MTOR: variants seen among roughly 807,000 people sequenced by gnomAD.
MTOR encodes mechanistic target of rapamycin kinase, also known as serine/threonine-protein kinase mTOR.
In MTOR, 70 loss-of-function variants were observed where a neutral mutation model predicts 319.8. The ratio of observed to expected loss-of-function variants is 0.22; its 90% CI spans 0.18 to 0.27. MTOR has a LOEUF of 0.27. MTOR is among the 10% of genes least tolerant of loss of function. The pLI is 1.00. For missense variants in MTOR, 1,890 were observed against 3,274.4 expected (o/e 0.58, Z 10.32); for synonymous variants, 1,183 against 1,211.4 (o/e 0.98, Z 0.49).
At position 11,199,144 on chromosome 1, in the gene MTOR, G is replaced by A; in HGVS notation, c.4253+114C>T. 7.4e-7 allele frequency: 1 copy of A among 1,348,148 alleles called. No homozygotes were observed. 83.5% of individuals were successfully genotyped at this position (1,348,148 alleles called of 1,614,324 possible). On this transcript the variant is annotated intron_variant, in intron 28 of 57. Transcript: ENST00000361445. The surrounding 1 kb of genome is among the most constrained non-coding windows in gnomAD (Gnocchi z 4.5). ...TTAAACATGCTGGCCAGACCCAGAGGCAGATTTCACAGAGCAGAAGTCTTC... is the reference window on the plus strand; with the variant it reads ...TTAAACATGCTGGCCAGACCCAGAGACAGATTTCACAGAGCAGAAGTCTTC...
chr1:11,172,487 G>A (rs1476933229), intron 28 of MTOR, among the ~76,000 whole-genome samples: 1 of 143,118 alleles, frequency 7.0e-6, no homozygotes, highest in Non-Finnish European at 1.5e-5. Context: ...ATGAACCCGA[G>A]AGGTGGAGCT....
At chr1:11,144,497 G>A in intron 34 of MTOR, 151 bp downstream of exon 34, 1 of 597,820 alleles carries the variant, frequency 1.7e-6, no homozygotes, top group South Asian at 2.2e-5. Context: ...GAGCCTTTGA[G>A]TATTCTGCTT....
intron 52 of MTOR, 67 bp downstream of exon 52, chr1:11,114,746 G>C (rs950886223): frequency 6.8e-7 from 1 of 1,468,238 alleles, no homozygotes; most frequent in Non-Finnish European, 9.5e-7. Flanking sequence ...TCTAACAAGC[G>C]TGTTCTCAGA....
intron 19 of MTOR, among the ~76,000 whole-genome samples, chr1:11,224,973 C>T (rs889134100): frequency 6.6e-6 from 1 of 152,048 alleles, no homozygotes; most frequent in Non-Finnish European, 1.5e-5. Context: ...TTCTATGACA[C>T]CAATTACATG....
intron 46 of MTOR, among the ~76,000 whole-genome samples, chr1:11,125,893 T>A (rs796116674): frequency 1.3e-5 from 2 of 150,772 alleles, no homozygotes; most frequent in African/African-American, 4.9e-5. Flanking sequence ...ATACAAAAAT[T>A]AGCTAGGTGT....
intron 28 of MTOR, among the ~76,000 whole-genome samples, chr1:11,183,249 CT>C (rs1182098300): frequency 6.6e-6 from 1 of 151,832 alleles, no homozygotes; most frequent in East Asian, 1.9e-4. Flanking sequence ...ATTTATAAGC[CT>C]TTTGGATATC....
Position 11,199,713 on chromosome 1 carries a change from G to A in MTOR, c.3945-10C>T, listed in dbSNP as rs763038865. ...AGCATTGAAGAGATCCCTGAAGGCA[G>A]AGAAGGTGGAAAATGGAGAGACCTC... On this transcript the variant is annotated splice_polypyrimidine_tract_variant and intron_variant, in intron 26 of 57. Transcript: ENST00000361445. This position sits in a 1 kb window ranked among gnomAD's most constrained non-coding sequence, Gnocchi z 4.5. The A allele has an allele frequency of 1.7e-5, 28 of 1,612,818 alleles. No individual in the cohort carries two copies. Among genetic ancestry groups the A allele is most frequent in the Non-Finnish European group, 2.4e-5 (28 of 1,178,946 alleles).
Position 11,256,939 on chromosome 1 carries a change from A to G in MTOR, c.498T>C (p.His166=). The change falls in exon 4 of 58, where the codon CAT becomes CAC. Residue 166 remains histidine, a synonymous_variant. Coordinates refer to ENST00000361445, the MANE Select transcript of MTOR (RefSeq NM_004958.4). ...LGADRNEGRR[H]AAVLVLRELA... is the part of the protein sequence containing the mutation. ...CCTCCCTGTAGACACTCACAGCTGC[A>G]TGTCTCCGGCCCTCATTGCGGTCAG... is the stretch of plus-strand genomic sequence containing the variant. 1 of 1,613,362 alleles carries G rather than the reference A, an allele frequency of 6.2e-7. No homozygotes were observed. Among genetic ancestry groups the G allele is most frequent in the East Asian group, 2.2e-5 (1 of 44,874 alleles).
intron 11 of MTOR, among the ~76,000 whole-genome samples, chr1:11,239,310 A>T: frequency 6.6e-6 from 1 of 152,190 alleles, no homozygotes; most frequent in African/African-American, 2.4e-5. Flanking sequence ...TTTAAATACC[A>T]GACAAAGAGT....
Position 11,128,965 on chromosome 1 carries a change from G to T in MTOR, c.5715-14C>A. ...AAGGTGAGAACTCTGAAAAAGAAAT[G>T]AGAAAGTCACAGAAAATTTAGTTTC... On this transcript the variant is annotated splice_polypyrimidine_tract_variant and intron_variant, in intron 40 of 57. Transcript: ENST00000361445. The surrounding 1 kb of genome is among the most constrained non-coding windows in gnomAD (Gnocchi z 5.3). The T allele has an allele frequency of 6.2e-7, 1 of 1,607,718 alleles. No homozygotes were observed. Among genetic ancestry groups the T allele is most frequent in the Non-Finnish European group, 8.5e-7 (1 of 1,176,100 alleles).
rs754300023 is a variant in MTOR, at chr1:11,134,384, T to G, written c.5213A>C (p.Gln1738Pro). ...AQHAIATEDQQHKQELHKLMA... is the reference protein window; with the variant it reads ...AQHAIATEDQPHKQELHKLMA... ...GAGCTTGTGCAGTTCCTGCTTATGC[T>G]GCTGGTCCTCAGTAGCGATGGCATG... The change falls in exon 37 of 58, where the codon CAG becomes CCG. Residue 1738 changes from glutamine to proline, a missense_variant. This residue lies in a region of MTOR where 276 missense variants were observed against 459.4 expected (regional missense o/e 0.60). Transcript: ENST00000361445. 1.7e-5 allele frequency: 27 copies of G among 1,614,210 alleles called. No individual in the cohort carries two copies. Among genetic ancestry groups the G allele is most frequent in the East Asian group, 2.2e-5 (1 of 44,886 alleles).
At chr1:11,254,294 C>T (rs1165682519) in intron 5 of MTOR, among the ~76,000 whole-genome samples, 1 of 152,124 alleles carries the variant, frequency 6.6e-6, no homozygotes, top group Non-Finnish European at 1.5e-5. Context: ...CACACACTAC[C>T]ACGCCTGGCT....
intron 57 of MTOR, among the ~76,000 whole-genome samples, 177 bp from the exon 58 acceptor site, chr1:11,107,677 G>A (rs1031043285): frequency 3.3e-5 from 5 of 152,124 alleles, no homozygotes; most frequent in Admixed American, 1.3e-4. Context: ...AATGCCCACC[G>A]AGGTCCCGCA....
chr1:11,128,136 A>G lies in MTOR; in HGVS notation c.5911-10T>C, dbSNP rs752645784. On this transcript the variant is annotated splice_polypyrimidine_tract_variant and intron_variant, in intron 42 of 57. Transcript: ENST00000361445. The surrounding 1 kb of genome is among the most constrained non-coding windows in gnomAD (Gnocchi z 5.3). ...GTGGGTAGATGAGGGCCTGAGGGAA[A>G]AACAGAAGAAACATCTATAAAGGAA... The G allele has an allele frequency of 9.3e-6, 15 of 1,613,244 alleles. No homozygotes were observed. Among genetic ancestry groups the G allele is most frequent in the Admixed American group, 1.7e-5 (1 of 59,712 alleles).
rs1001639812 is a variant in MTOR at position 11,109,527 on chromosome 1, A to G, written c.7447+122T>C. ...TCAGAATATAATGAGAAATTCATGG[A>G]ACCTTTTCTGCTCAAAGGCAGTTTT... On this transcript the variant is annotated intron_variant, in intron 55 of 57. Transcript: ENST00000361445. This position sits in a 1 kb window ranked among gnomAD's most constrained non-coding sequence, Gnocchi z 4.0. The G allele has an allele frequency of 3.0e-5, 37 of 1,226,850 alleles. No homozygotes were observed. The highest frequency in any genetic ancestry group is 4.0e-5 in the Non-Finnish European group (34 of 844,862). The allele number at this position is 1,226,850 out of a possible 1,614,324, so 76.0% of individuals were successfully genotyped here. A position where few individuals can be genotyped will look rare whatever the true frequency, so the allele number is the denominator to read the frequency against.
intron 29 of MTOR, among the ~76,000 whole-genome samples, chr1:11,161,760 C>T (rs1479553490): frequency 2.6e-5 from 4 of 152,154 alleles, no homozygotes; most frequent in African/African-American, 9.7e-5. Context: ...ACAGAAAGGA[C>T]ATCCACACCA....
Position 11,122,868 on chromosome 1 carries a change from A to T in MTOR, c.6663-742T>A, listed in dbSNP as rs552068259. 2.8e-3 allele frequency among the ~76,000 whole-genome samples: 423 copies of T among 152,250 alleles called. 1 individual carries two copies. The highest frequency in any genetic ancestry group is 2.6e-3 in the Non-Finnish European group (176 of 68,008). On this transcript the variant is annotated intron_variant, in intron 47 of 57. Transcript: ENST00000361445. ...GCTGGTGTGAAGTGTGTGTTGAGGGATGCTTTGTGAAGAATAAGGCATCAC... is the reference window on the plus strand; with the variant it reads ...GCTGGTGTGAAGTGTGTGTTGAGGGTTGCTTTGTGAAGAATAAGGCATCAC...
intron 32 of MTOR, 128 bp from the exon 33 acceptor site, chr1:11,145,173 TGAA>T (rs926934952): frequency 2.7e-5 from 21 of 778,884 alleles, no homozygotes; most frequent in South Asian, 5.1e-5. Context: ...AGAAATTCGC[TGAA>T]GAAGGGCATT....
chr1:11,132,894 T>C (rs1643227789), intron 38 of MTOR, 186 bp downstream of exon 38: 1 of 599,638 alleles, frequency 1.7e-6, no homozygotes, highest in African/African-American at 1.8e-5. Context: ...AATCTTTCTG[T>C]ATTAATTAAA....
Sources: allele counts gnomAD v4.1 joint callset (sites outside exome capture counted in the v4.1 genomes callset), GRCh38; gene constraint gnomAD v4.1.1; regional missense constraint gnomAD v4.1.1; non-coding constraint Gnocchi (gnomAD v3.1); transcripts MANE v1.5; gene names NCBI Gene and HGNC (gene_info 2026-07-23, HGNC 2026-07-21).